Variants in DLGAP3 observed in about 807,000 individuals in gnomAD.
The protein encoded by DLGAP3 is DLG associated protein 3.
Under a neutral mutation model 81.2 loss-of-function variants are expected in DLGAP3, and 17 were observed. The ratio of observed to expected loss-of-function variants is 0.21; its 90% CI spans 0.14 to 0.31. The LOEUF is 0.31. DLGAP3 is among the 10% of genes least tolerant of loss of function. The pLI is 1.00. For missense variants in DLGAP3, 1,124 were observed against 1,388.0 expected, an observed-to-expected ratio of 0.81 and a Z score of 3.02; for synonymous variants, 577 against 587.4, an observed-to-expected ratio of 0.98 and a Z score of 0.26.
At chr1:34,871,090 C>T (rs183202604) in intron 8 of DLGAP3, among the ~76,000 whole-genome samples, 8 of 152,278 alleles carry the variant, frequency 5.3e-5, no homozygotes, top group African/African-American at 1.9e-4. Context: ...CCCAGTCCAC[C>T]CAAGACTGGA....
chr1:34,925,405 G>GA (rs1639858124), intron 1 of DLGAP3: 1 of 152,674 alleles, frequency 6.5e-6, no homozygotes, highest in East Asian at 1.9e-4. Flanking sequence ...GACAGATGTG[G>GA]TGGGGGGAGG....
chr1:34,929,231 GT>G lies in DLGAP3; in HGVS notation c.-135+219del, dbSNP rs967546150. 2.6e-5 allele frequency among the ~76,000 whole-genome samples: 4 copies of G among 151,250 alleles called. No homozygotes were observed. Among genetic ancestry groups the G allele is most frequent in the Non-Finnish European group, 5.9e-5 (4 of 67,480 alleles). Reference sequence around the variant, plus strand: ...GGAGCGTGGGTCCGCGGTCCGCGTGGTCCCCTGCCCGCCCCTCGGGTCGGGC... The same window carrying G: ...GGAGCGTGGGTCCGCGGTCCGCGTGGCCCCTGCCCGCCCCTCGGGTCGGGC... On this transcript the variant is annotated intron_variant, in intron 1 of 11. Transcript: ENST00000373347. This position sits in a 1 kb window ranked among gnomAD's most constrained non-coding sequence, Gnocchi z 6.5.
At chr1:34,928,648 A>G (rs1639909755) in intron 1 of DLGAP3, among the ~76,000 whole-genome samples, 1 of 151,910 alleles carries the variant, frequency 6.6e-6, no homozygotes, top group African/African-American at 2.4e-5. Flanking sequence ...AGTGGGGGGG[A>G]CAGAGCCCAG....
Position 34,886,301 on chromosome 1 carries a change from T to G in DLGAP3, c.1387-16A>C. 6.4e-7 allele frequency: 1 copy of G among 1,558,828 alleles called. No individual in the cohort carries two copies. The highest frequency in any genetic ancestry group is 8.7e-7 in the Non-Finnish European group (1 of 1,151,136). On this transcript the variant is annotated splice_polypyrimidine_tract_variant and intron_variant, in intron 5 of 11. Coordinates refer to ENST00000373347, the MANE Select transcript of DLGAP3 (RefSeq NM_001080418.3). The stretch of plus-strand genomic sequence containing the variant: ...CATCGCTGAGCTGGGGGGCAGGGGG[T>G]CGGGAGGACAGTTATAAGGTGCCGG...
chr1:34,873,037 C>T lies in DLGAP3; in HGVS notation c.2001-3948G>A, dbSNP rs1447924446. ...TATAAGGATGGATAAAAAAGAATAA[C>T]ATCTTCTAAGCACTTAGTATGTGCC... On this transcript the variant is annotated intron_variant, in intron 8 of 11. Transcript: ENST00000373347. This position sits in a 1 kb window ranked among gnomAD's most constrained non-coding sequence, Gnocchi z 4.2. 6.6e-6 allele frequency among the ~76,000 whole-genome samples: 1 copy of T among 152,194 alleles called. No homozygotes were observed. The highest frequency in any genetic ancestry group is 1.5e-5 in the Non-Finnish European group (1 of 68,040).
At position 34,902,152 on chromosome 1, in the gene DLGAP3, G is replaced by A. The variant is rs1042713964; in HGVS notation, c.1108-1879C>T. ...GAAAATGAGGTGTAAGTGAAGACGTGGGGGAGAGGACTGGGGGAGGTAGGG... is the reference window on the plus strand; with the variant it reads ...GAAAATGAGGTGTAAGTGAAGACGTAGGGGAGAGGACTGGGGGAGGTAGGG... On this transcript the variant is annotated intron_variant, in intron 3 of 11. Coordinates refer to ENST00000373347, the MANE Select transcript of DLGAP3 (RefSeq NM_001080418.3). This position sits in a 1 kb window ranked among gnomAD's most constrained non-coding sequence, Gnocchi z 4.4. 2.1e-4 allele frequency among the ~76,000 whole-genome samples: 32 copies of A among 152,062 alleles called. No individual in the cohort carries two copies. The highest frequency in any genetic ancestry group is 6.8e-4 in the African/African-American group (28 of 41,398).
At chr1:34,883,607 T>C (rs1230227752) in intron 8 of DLGAP3, among the ~76,000 whole-genome samples, 1 of 152,234 alleles carries the variant, frequency 6.6e-6, no homozygotes, top group African/African-American at 2.4e-5. Flanking sequence ...CATAAAATGC[T>C]ATTTTTCTGA....
intron 8 of DLGAP3, among the ~76,000 whole-genome samples, chr1:34,876,846 C>A (rs960296572): frequency 4.6e-5 from 7 of 152,166 alleles, no homozygotes; most frequent in African/African-American, 1.7e-4. Context: ...CCTGCCCTTC[C>A]CTGACTTTCA....
At chr1:34,878,190 C>T (rs992935862) in intron 8 of DLGAP3, among the ~76,000 whole-genome samples, 1 of 152,064 alleles carries the variant, frequency 6.6e-6, no homozygotes, top group African/African-American at 2.4e-5. Context: ...GCCTGTAAAC[C>T]CAGCTACCCA....
chr1:34,879,082 GA>G (rs555503023), intron 8 of DLGAP3, among the ~76,000 whole-genome samples: 89 of 138,664 alleles, frequency 6.4e-4, no homozygotes, highest in Admixed American at 2.6e-3. Context: ...AAAAAAAAAA[GA>G]AAAAAAAAAA....
At chr1:34,915,422 T>C (rs1569661099) in intron 1 of DLGAP3, among the ~76,000 whole-genome samples, 1 of 152,194 alleles carries the variant, frequency 6.6e-6, no homozygotes, top group Admixed American at 6.5e-5. Context: ...CCCAAGCCCA[T>C]GGCAGGGGTC....
chr1:34,884,985 C>T lies in DLGAP3; in HGVS notation c.1993G>A (p.Asp665Asn), dbSNP rs1639195851. 6.2e-7 allele frequency: 1 copy of T among 1,613,088 alleles called. No homozygotes were observed. The highest frequency in any genetic ancestry group is 1.3e-5 in the African/African-American group (1 of 74,898). The part of the protein sequence containing the change: ...FHSIGVQVEE[D>N]KRRARFKRSN... ...CTCCCACCGTGACTTTACCTCTTGT[C>T]CTCTTCCACCTGCACGCCAATAGAG... The change falls in exon 8 of 12, where the codon GAC becomes AAC. Residue 665 changes from aspartate to asparagine, a missense_variant. Physicochemically the swap from Asp to Asn is conservative, Grantham distance 23. Coordinates refer to ENST00000373347, the MANE Select transcript of DLGAP3 (RefSeq NM_001080418.3).
chr1:34,905,746 G>A (rs1220471846), intron 2 of DLGAP3, among the ~76,000 whole-genome samples: 1 of 151,986 alleles, frequency 6.6e-6, no homozygotes, highest in African/African-American at 2.4e-5. Context: ...GTTCACACCT[G>A]TACTGCTAGC....
Position 34,905,414 on chromosome 1 carries a change from GGGCC to G in DLGAP3, c.-35_-32del. ...CAGCAAAGGCTCTTCATAGTCTTGG[GGGCC>G]AGGCCCCAGGAACCTCCTGGAAAAA... On this transcript the variant is annotated 5_prime_UTR_variant, in exon 3 of 12. An upstream open reading frame in the 5' UTR gains an earlier in-frame stop. Coordinates refer to ENST00000373347, the MANE Select transcript of DLGAP3 (RefSeq NM_001080418.3). The G allele has an allele frequency of 1.3e-6, 2 of 1,531,262 alleles. No individual in the cohort carries two copies. Among genetic ancestry groups the G allele is most frequent in the Non-Finnish European group, 1.8e-6 (2 of 1,137,420 alleles). The allele number at this position is 1,531,262 out of a possible 1,614,324, so 94.9% of individuals were successfully genotyped here.
Position 34,899,094 on chromosome 1 carries a change from T to A in DLGAP3, c.1386+575A>T, listed in dbSNP as rs1235201702. Among the ~76,000 whole-genome samples the A allele has an allele frequency of 1.1e-4, 17 of 151,640 alleles. No individual in the cohort carries two copies. The East Asian group carries it at 2.1e-3, about 19-fold the overall frequency. On this transcript the variant is annotated intron_variant, in intron 5 of 11. Coordinates refer to ENST00000373347, the MANE Select transcript of DLGAP3 (RefSeq NM_001080418.3). The stretch of plus-strand genomic sequence containing the variant: ...CTGTACAAATCAATTCTACTTTTTT[T>A]TTTTTTTTTTTTTAAGACAGAGCCT...
intron 1 of DLGAP3, among the ~76,000 whole-genome samples, chr1:34,923,762 C>G (rs1225929917): frequency 6.6e-6 from 1 of 152,022 alleles, no homozygotes; most frequent in Non-Finnish European, 1.5e-5. Flanking sequence ...CTAGAGAAGG[C>G]AGGAATCATC....
At chr1:34,892,524 A>G (rs1639327588) in intron 5 of DLGAP3, among the ~76,000 whole-genome samples, 1 of 151,998 alleles carries the variant, frequency 6.6e-6, no homozygotes, top group African/African-American at 2.4e-5. Context: ...TTTTTTAGAG[A>G]TGAGGTCTCA....
chr1:34,925,308 T>C (rs998772975), intron 1 of DLGAP3: 1 of 152,418 alleles, frequency 6.6e-6, no homozygotes, highest in Non-Finnish European at 1.5e-5. Context: ...TCAATGCCAC[T>C]CACAGCTGGT....
intron 11 of DLGAP3, among the ~76,000 whole-genome samples, 161 bp downstream of exon 11, chr1:34,866,887 G>A (rs1638890916): frequency 1.3e-5 from 2 of 152,246 alleles, no homozygotes; most frequent in Admixed American, 1.3e-4. Flanking sequence ...CCACGAGCGT[G>A]GTCACTCTGG....
Sources: gnomAD v4.1 joint callset for allele counts (sites outside exome capture counted in the v4.1 genomes callset) on GRCh38, gnomAD v4.1.1 for gene constraint, Gnocchi (gnomAD v3.1) non-coding constraint, MANE v1.5 for transcripts, NCBI Gene and HGNC (gene_info 2026-07-23, HGNC 2026-07-21) for gene names.